SRSF3: variants seen among roughly 807,000 people sequenced by gnomAD.
SRSF3 encodes the protein serine/arginine-rich splicing factor 3.
For missense variants in SRSF3, 58 were observed against 217.1 expected, an observed-to-expected ratio of 0.27 and a Z score of 4.61; for synonymous variants, 87 against 73.6, an observed-to-expected ratio of 1.18 and a Z score of -0.93.
At position 36,598,947 on chromosome 6, in the gene SRSF3, ATGATTATCG is replaced by A. The variant is rs767356176; in HGVS notation, c.307_315del (p.Asp103_Arg105del). On this transcript the variant is annotated inframe_deletion, in exon 3 of 6. Coordinates refer to ENST00000373715, the MANE Select transcript of SRSF3 (RefSeq NM_003017.5). ...CCCTCTTGGGGTCGTCGCCCTCGAG[ATGATTATCG>A]TAGGAGGAGTCCTCCACCTCGTCGC... The A allele has an allele frequency of 6.2e-7, 1 of 1,614,182 alleles. No individual in the cohort carries two copies. The highest frequency in any genetic ancestry group is 8.5e-7 in the Non-Finnish European group (1 of 1,180,032).
chr6:36,601,001 C>CTTTTTTTTTTTTTTTTTTTTT lies in SRSF3; in HGVS notation c.342-146_342-126dup, dbSNP rs775227806. The CTTTTTTTTTTTTTTTTTTTTT allele has an allele frequency of 1.2e-3, 106 of 86,470 alleles. 21 individuals carry two copies. The highest frequency in any genetic ancestry group is 1.7e-3 in the East Asian group (4 of 2,328). 5.4% of individuals were successfully genotyped at this position (86,470 alleles called of 1,614,324 possible). Reference sequence around the variant, plus strand: ...GCCTTTTTTTTCTTTTCTTTTTTTTCTTTTTTTTTTTTTTTTTTTTTTTTT... The same window carrying CTTTTTTTTTTTTTTTTTTTTT: ...GCCTTTTTTTTCTTTTCTTTTTTTTCTTTTTTTTTTTTTTTTTTTTTTTTTTTTTTTTTTTTTTTTTTTTTT... On this transcript the variant is annotated intron_variant, in intron 3 of 5. Transcript: ENST00000373715.
At chr6:36,601,564 A>G in intron 4 of SRSF3, 144 bp from the exon 5 acceptor site, 2 of 748,394 alleles carry the variant, frequency 2.7e-6, no homozygotes, top group Admixed American at 2.3e-5. Context: ...ATCTGTTCTC[A>G]AACTCTTGGC....
chr6:36,598,468 C>T (rs1267063138), intron 2 of SRSF3: 1 of 178,334 alleles, frequency 5.6e-6, no homozygotes. Context: ...GTTGTAACCT[C>T]TGCCTACTGG....
At chr6:36,598,817 C>T in intron 2 of SRSF3, 32 bp from the exon 3 acceptor site, 2 of 1,604,682 alleles carry the variant, frequency 1.2e-6, no homozygotes, top group East Asian at 2.2e-5. Context: ...GAAAGTCAGG[C>T]TGTTTTAAGT....
Position 36,603,503 on chromosome 6 carries a change from T to C in SRSF3, c.*1514T>C, listed in dbSNP as rs541729409. 19 of 225,562 alleles carry C rather than the reference T, an allele frequency of 8.4e-5. No individual in the cohort carries two copies. The highest frequency in any genetic ancestry group is 3.4e-4 in the Admixed American group (6 of 17,504). 14.0% of individuals were successfully genotyped at this position (225,562 alleles called of 1,614,324 possible). The stretch of plus-strand genomic sequence containing the variant: ...TATGCGGTATTGACTGTCTTAAATA[T>C]GAAAGATAAGTCATTGCATTAAGAG... On this transcript the variant is annotated 3_prime_UTR_variant, in exon 6 of 6. Transcript: ENST00000373715.
At chr6:36,597,923 G>T (rs533879349) in intron 2 of SRSF3, among the ~76,000 whole-genome samples, 5 of 151,618 alleles carry the variant, frequency 3.3e-5, no homozygotes, top group Non-Finnish European at 7.4e-5. Flanking sequence ...TCAAGCTCCT[G>T]GGCTCAAGCC....
chr6:36,596,371 TCCC>T (rs1440896288), intron 1 of SRSF3, among the ~76,000 whole-genome samples: 1 of 152,028 alleles, frequency 6.6e-6, no homozygotes, highest in African/African-American at 2.4e-5. Flanking sequence ...TAGTTTTGAG[TCCC>T]CAACAGAATT....
At position 36,604,469 on chromosome 6, in the gene SRSF3, C is replaced by T. The variant is rs114488255; in HGVS notation, c.*2480C>T. On this transcript the variant is annotated 3_prime_UTR_variant, in exon 6 of 6. Transcript: ENST00000373715. ...TATTAAAAGGAATATTTAGTTTGATCTCTGGTTCACAGTTCATTGTGGGTT... is the reference window on the plus strand; with the variant it reads ...TATTAAAAGGAATATTTAGTTTGATTTCTGGTTCACAGTTCATTGTGGGTT... The T allele has an allele frequency of 5.5e-6, 1 of 182,810 alleles. No homozygotes were observed. The highest frequency in any genetic ancestry group is 8.9e-5 in the East Asian group (1 of 11,216). The allele number at this position is 182,810 out of a possible 1,614,324, so 11.3% of individuals were successfully genotyped here. A position where few individuals can be genotyped will look rare whatever the true frequency, so the allele number is the denominator to read the frequency against.
intron 3 of SRSF3, chr6:36,600,499 A>T (rs1778694086): frequency 6.0e-6 from 1 of 167,934 alleles, no homozygotes; most frequent in African/African-American, 2.4e-5. Flanking sequence ...AAAAATTTTA[A>T]TATCTCTAAC....
chr6:36,594,848 C>A (rs1307266964), intron 1 of SRSF3: 1 of 151,490 alleles, frequency 6.6e-6, no homozygotes, highest in Non-Finnish European at 1.5e-5. Context: ...AAGTCACTAA[C>A]CAAGACCGGA....
Position 36,603,927 on chromosome 6 carries a change from A to AAT in SRSF3, c.*1940_*1941dup, listed in dbSNP as rs58013634. On this transcript the variant is annotated 3_prime_UTR_variant, in exon 6 of 6. Coordinates refer to ENST00000373715, the MANE Select transcript of SRSF3 (RefSeq NM_003017.5). ...TTACGGGTATAATATGGCTAAGAGA[A>AAT]ATAATACAGAACCTGAAATAAAAGT... 0.22 allele frequency: 50,033 copies of AAT among 230,460 alleles called. 6,203 individuals carry two copies. Among genetic ancestry groups the AAT allele is most frequent in the East Asian group, 0.45 (7,211 of 16,170 alleles). 14.3% of individuals were successfully genotyped at this position (230,460 alleles called of 1,614,324 possible).
intron 1 of SRSF3, among the ~76,000 whole-genome samples, chr6:36,595,421 A>G (rs1041994221): frequency 6.6e-6 from 1 of 152,202 alleles, no homozygotes; most frequent in African/African-American, 2.4e-5. Flanking sequence ...TGTAATCATC[A>G]CTTACACGTA....
chr6:36,597,365 CA>C (rs1163312371), intron 2 of SRSF3, among the ~76,000 whole-genome samples: 1 of 152,142 alleles, frequency 6.6e-6, no homozygotes, highest in Non-Finnish European at 1.5e-5. Context: ...CTTGACCTCC[CA>C]AAGTGCTGGA....
chr6:36,594,991 G>A (rs9470342), intron 1 of SRSF3, among the ~76,000 whole-genome samples: 3,319 of 152,116 alleles, frequency 0.022, 118 homozygotes, highest in African/African-American at 0.07. Context: ...TTCTTTCATC[G>A]CTTCCCATTA....
intron 3 of SRSF3, chr6:36,600,178 C>T: frequency 9.3e-7 from 1 of 1,074,234 alleles, no homozygotes; most frequent in Non-Finnish European, 1.1e-6. Flanking sequence ...CCAACTAAAT[C>T]CAACGCAACA....
rs1778776229 is a variant in SRSF3, at chr6:36,604,296, T to C, written c.*2307T>C. ...GACAATGTAAAGAAACATTAAGGAT[T>C]ATATTTGATTGTTTTCAAAGACACT... On this transcript the variant is annotated 3_prime_UTR_variant, in exon 6 of 6. Coordinates refer to ENST00000373715, the MANE Select transcript of SRSF3 (RefSeq NM_003017.5). 2 of 213,620 alleles carry C rather than the reference T, an allele frequency of 9.4e-6. No homozygotes were observed. The highest frequency in any genetic ancestry group is 3.7e-4 in the South Asian group (2 of 5,362). 13.2% of individuals were successfully genotyped at this position (213,620 alleles called of 1,614,324 possible).
intron 4 of SRSF3, 76 bp from the exon 5 acceptor site, chr6:36,601,632 C>T (rs1778717518): frequency 7.4e-7 from 1 of 1,344,372 alleles, no homozygotes; most frequent in Non-Finnish European, 1.0e-6. Context: ...GCATGAGTCA[C>T]CATGCCAGAT....
At chr6:36,597,554 T>C (rs1251045155) in intron 2 of SRSF3, among the ~76,000 whole-genome samples, 1 of 152,212 alleles carries the variant, frequency 6.6e-6, no homozygotes, top group African/African-American at 2.4e-5. Flanking sequence ...TTTGTGTTAA[T>C]AGTGTCCTGT....
At chr6:36,596,635 A>T in intron 1 of SRSF3, 126 bp from the exon 2 acceptor site, 1 of 771,810 alleles carries the variant, frequency 1.3e-6, no homozygotes, top group Non-Finnish European at 2.0e-6. Context: ...GCATTTTTGT[A>T]ATTTTTTTTT....
Sources: allele counts gnomAD v4.1 joint callset (sites outside exome capture counted in the v4.1 genomes callset), GRCh38; gene constraint gnomAD v4.1.1; transcripts MANE v1.5; gene names NCBI Gene and HGNC (gene_info 2026-07-23, HGNC 2026-07-21).